GADL1: variants seen among roughly 807,000 people sequenced by gnomAD.
GADL1 encodes the protein acidic amino acid decarboxylase GADL1.
A neutral mutation model predicts 69.5 loss-of-function variants in GADL1; 71 were observed. That is an observed-to-expected ratio of 1.02 (90% CI 0.84 to 1.25). GADL1 has a LOEUF of 1.25. GADL1 is among the 50% of genes most tolerant of loss of function. GADL1 has a pLI of 0.00. For missense variants in GADL1, 737 were observed against 631.8 expected (o/e 1.17, Z -1.79); for synonymous variants, 254 against 214.4 (o/e 1.18, Z -1.62).
chr3:30,861,009 T>C (rs1367925513), intron 2 of GADL1, among the ~76,000 whole-genome samples: 1 of 151,940 alleles, frequency 6.6e-6, no homozygotes, highest in Non-Finnish European at 1.5e-5. Context: ...TAGATGTCAT[T>C]AGCGGCGGTT....
chr3:30,755,330 G>GGA (rs1256501193), intron 14 of GADL1, among the ~76,000 whole-genome samples: 1 of 151,836 alleles, frequency 6.6e-6, no homozygotes, highest in Non-Finnish European at 1.5e-5. Flanking sequence ...AACAATAAAT[G>GGA]GAGAGTTCCA....
chr3:30,811,965 T>C (rs1697364878), intron 11 of GADL1, among the ~76,000 whole-genome samples: 1 of 152,210 alleles, frequency 6.6e-6, no homozygotes, highest in Non-Finnish European at 1.5e-5. Flanking sequence ...TGATCTCACA[T>C]TGAAAAATCC....
At chr3:30,740,022 A>G (rs1452421828) in intron 14 of GADL1, among the ~76,000 whole-genome samples, 1 of 152,182 alleles carries the variant, frequency 6.6e-6, no homozygotes, top group Non-Finnish European at 1.5e-5. Context: ...CTAGTGTTTA[A>G]GGTTGGAAAT....
At chr3:30,778,372 G>T in intron 13 of GADL1, 104 bp from the exon 14 acceptor site, 1 of 707,176 alleles carries the variant, frequency 1.4e-6, no homozygotes, top group Non-Finnish European at 2.4e-6. Flanking sequence ...GTTATCATGT[G>T]TATAAAATTT....
intron 11 of GADL1, among the ~76,000 whole-genome samples, chr3:30,807,222 C>T (rs28539399): frequency 0.03 from 4,590 of 152,304 alleles, 131 homozygotes; most frequent in East Asian, 0.12. Flanking sequence ...CCAGCTGTCA[C>T]TGCCTGTTCT....
In GADL1 at chr3:30,781,768, C is replaced by CTT. The variant is rs556346644; in HGVS notation, c.1303-3501_1303-3500insAA. Among the ~76,000 whole-genome samples the CTT allele has an allele frequency of 4.1e-4, 63 of 152,240 alleles. 1 individual carries two copies. In the East Asian group the frequency reaches 0.011, roughly 27 times the overall value. The stretch of plus-strand genomic sequence containing the variant: ...GTTGGTTTGATGATTAAAGAGAAAA[C>CTT]GTGTTTTCAAAATTTAGTACCGTGT... On this transcript the variant is annotated intron_variant, in intron 13 of 14. Coordinates refer to ENST00000282538, the MANE Select transcript of GADL1 (RefSeq NM_207359.3).
intron 9 of GADL1, among the ~76,000 whole-genome samples, chr3:30,836,608 A>G (rs1697878895): frequency 6.6e-6 from 1 of 152,090 alleles, no homozygotes; most frequent in South Asian, 2.1e-4. Context: ...TAATTAGTTA[A>G]TAAATTAATA....
At chr3:30,872,676 A>C (rs1559366407) in intron 1 of GADL1, among the ~76,000 whole-genome samples, 1 of 151,864 alleles carries the variant, frequency 6.6e-6, no homozygotes, top group African/African-American at 2.4e-5. Context: ...AGTTTTCCAG[A>C]TCTCAAGTCA....
chr3:30,850,745 C>A (rs184971908), intron 5 of GADL1, 90 bp downstream of exon 5: 1 of 702,462 alleles, frequency 1.4e-6, no homozygotes, highest in Non-Finnish European at 2.5e-6. Context: ...AACTTTTTGT[C>A]GTGTATAAAT....
intron 2 of GADL1, among the ~76,000 whole-genome samples, chr3:30,857,628 C>A (rs529517110): frequency 1.3e-5 from 2 of 151,946 alleles, no homozygotes; most frequent in African/African-American, 4.8e-5. Flanking sequence ...TGCTATCGAC[C>A]TAGCAGCCAG....
At chr3:30,752,890 G>C (rs1695861349) in intron 14 of GADL1, among the ~76,000 whole-genome samples, 1 of 152,154 alleles carries the variant, frequency 6.6e-6, no homozygotes, top group Non-Finnish European at 1.5e-5. Flanking sequence ...AGTCAAATCA[G>C]TATAAGATGA....
chr3:30,857,466 T>G (rs925147152), intron 2 of GADL1, among the ~76,000 whole-genome samples: 1 of 151,816 alleles, frequency 6.6e-6, no homozygotes, highest in South Asian at 2.1e-4. Context: ...AAAGTAAAAT[T>G]AAAAAAGATA....
At chr3:30,730,244 A>C (rs1488641261) in intron 14 of GADL1, among the ~76,000 whole-genome samples, 2 of 152,188 alleles carry the variant, frequency 1.3e-5, no homozygotes, top group Non-Finnish European at 2.9e-5. Flanking sequence ...TTCCAAATCC[A>C]TGTATGCAAG....
intron 14 of GADL1, among the ~76,000 whole-genome samples, chr3:30,776,209 TGA>T (rs1371787909): frequency 1.3e-5 from 2 of 152,258 alleles, no homozygotes; most frequent in Admixed American, 6.5e-5. Flanking sequence ...CCAACAGTAC[TGA>T]GTTAGACACA....
chr3:30,856,953 G>A, intron 3 of GADL1, 62 bp downstream of exon 3: 1 of 1,395,920 alleles, frequency 7.2e-7, no homozygotes, highest in Non-Finnish European at 9.8e-7. Flanking sequence ...AGCTTTGAGA[G>A]GCTTTGCAAA....
At position 30,876,734 on chromosome 3, in the gene GADL1, C is replaced by T. The variant is rs983280602; in HGVS notation, c.38-14969G>A. On this transcript the variant is annotated intron_variant, in intron 1 of 14. Coordinates refer to ENST00000282538, the MANE Select transcript of GADL1 (RefSeq NM_207359.3). ...TGTGAAGATCTAAAAAATAAATATCCATAGCTCAGCATCCTTCAACCAATA... is the reference window on the plus strand; with the variant it reads ...TGTGAAGATCTAAAAAATAAATATCTATAGCTCAGCATCCTTCAACCAATA... Among the ~76,000 whole-genome samples the T allele has an allele frequency of 4.6e-5, 7 of 151,992 alleles. No homozygotes were observed. In the South Asian group the frequency reaches 8.3e-4, roughly 18 times the overall value.
intron 7 of GADL1, 24 bp from the exon 8 acceptor site, chr3:30,844,288 T>C: frequency 6.2e-7 from 1 of 1,603,794 alleles, no homozygotes; most frequent in Non-Finnish European, 8.5e-7. Flanking sequence ...ATTTGAGACT[T>C]TCAGTTATGT....
At chr3:30,832,048 G>A (rs957558927) in intron 11 of GADL1, among the ~76,000 whole-genome samples, 1 of 151,888 alleles carries the variant, frequency 6.6e-6, no homozygotes, top group African/African-American at 2.4e-5. Flanking sequence ...TATGCTGATT[G>A]ATGGAATGAA....
chr3:30,785,573 G>A (rs1559499237), intron 13 of GADL1, among the ~76,000 whole-genome samples: 1 of 151,924 alleles, frequency 6.6e-6, no homozygotes, highest in Non-Finnish European at 1.5e-5. Flanking sequence ...GTAGAGACAG[G>A]GTTTCACCAT....
Sources: gnomAD v4.1 joint callset for allele counts (sites outside exome capture counted in the v4.1 genomes callset) on GRCh38, gnomAD v4.1.1 for gene constraint, MANE v1.5 for transcripts, NCBI Gene and HGNC (gene_info 2026-07-23, HGNC 2026-07-21) for gene names.